POC1B: variants seen among roughly 807,000 people sequenced by gnomAD.
POC1B encodes POC1 centriolar protein homolog B.
POC1B carries 44 observed loss-of-function variants against 60.6 expected under a neutral mutation model. The ratio of observed to expected loss-of-function variants is 0.73; its 90% CI spans 0.57 to 0.93. The LOEUF (loss-of-function observed/expected upper bound fraction) is 0.93, where lower values mean the gene tolerates loss of function less well. POC1B is among the 40% of genes least tolerant of loss of function. POC1B has a pLI of 0.00. For missense variants in POC1B, 555 were observed against 572.3 expected, an observed-to-expected ratio of 0.97 and a Z score of 0.31; for synonymous variants, 180 against 198.9, an observed-to-expected ratio of 0.90 and a Z score of 0.80.
intron 5 of POC1B, 37 bp from the exon 6 acceptor site, chr12:89,471,766 T>TTA: frequency 4.1e-5 from 51 of 1,243,664 alleles, no homozygotes; most frequent in Middle Eastern, 2.0e-4. Context: ...ATATTTCAAT[T>TTA]TCTTTTTTTT....
At chr12:89,503,234 C>T (rs1304161678) in intron 2 of POC1B, among the ~76,000 whole-genome samples, 6 of 152,018 alleles carry the variant, frequency 3.9e-5, no homozygotes, top group African/African-American at 1.4e-4. Context: ...CCTGCCTCAG[C>T]CTGCCGAGTG....
intron 9 of POC1B, among the ~76,000 whole-genome samples, chr12:89,465,916 A>G (rs945478436): frequency 2.0e-5 from 3 of 152,234 alleles, no homozygotes; most frequent in Non-Finnish European, 4.4e-5. Flanking sequence ...AGATAACAGC[A>G]AAGACCAAGA....
At chr12:89,457,155 G>A (rs1033328741) in intron 10 of POC1B, among the ~76,000 whole-genome samples, 1 of 152,072 alleles carries the variant, frequency 6.6e-6, no homozygotes, top group South Asian at 2.1e-4. Flanking sequence ...CACATGCAAA[G>A]TACACACAAA....
At position 89,443,401 on chromosome 12, in the gene POC1B, G is replaced by A. The variant is rs1393320993; in HGVS notation, c.1113+16237C>T. Among the ~76,000 whole-genome samples, 3 of 152,144 alleles carry A rather than the reference G, an allele frequency of 2.0e-5. No homozygotes were observed. In the East Asian group the frequency reaches 5.8e-4, roughly 29 times the overall value. ...AAAAGAACAGAAATGATAACAAACTGTCTCTCAGACCACAATGCAATCAAA... is the reference window on the plus strand; with the variant it reads ...AAAAGAACAGAAATGATAACAAACTATCTCTCAGACCACAATGCAATCAAA... On this transcript the variant is annotated intron_variant, in intron 10 of 11. Coordinates refer to ENST00000313546, the MANE Select transcript of POC1B (RefSeq NM_172240.3).
intron 4 of POC1B, among the ~76,000 whole-genome samples, chr12:89,486,821 C>T (rs1286562653): frequency 1.3e-5 from 2 of 152,010 alleles, no homozygotes; most frequent in Non-Finnish European, 2.9e-5. Context: ...GTATCACTTC[C>T]TATGGAAAGC....
intron 10 of POC1B, among the ~76,000 whole-genome samples, chr12:89,455,884 A>C (rs1379200363): frequency 1.3e-5 from 2 of 152,310 alleles, no homozygotes; most frequent in East Asian, 3.9e-4. Context: ...CATTTTGTTC[A>C]TTTATAAGAC....
At chr12:89,467,442 T>G (rs1207171375) in intron 8 of POC1B, among the ~76,000 whole-genome samples, 175 bp downstream of exon 8, 1 of 152,180 alleles carries the variant, frequency 6.6e-6, no homozygotes, top group Non-Finnish European at 1.5e-5. Flanking sequence ...TTCCCAAAAT[T>G]TAGAACTGGC....
At chr12:89,503,387 G>T (rs1212893060) in intron 2 of POC1B, among the ~76,000 whole-genome samples, 5 of 152,262 alleles carry the variant, frequency 3.3e-5, no homozygotes, top group Non-Finnish European at 7.3e-5. Context: ...GAGGTGCCGG[G>T]ATTGCAGACG....
At chr12:89,520,099 C>A (rs1760259376) in intron 2 of POC1B, 1 of 152,086 alleles carries the variant, frequency 6.6e-6, no homozygotes, top group African/African-American at 2.4e-5. Flanking sequence ...GAAAGTCCCA[C>A]TTTTCTGTTA....
In POC1B at chr12:89,455,283, C is replaced by T. The variant is rs537499812; in HGVS notation, c.1113+4355G>A. On this transcript the variant is annotated intron_variant, in intron 10 of 11. Coordinates refer to ENST00000313546, the MANE Select transcript of POC1B (RefSeq NM_172240.3). The stretch of plus-strand genomic sequence containing the variant: ...CCAGGAACTGGAGGCTGCAGTGAGC[C>T]GAGACAGTGCCACTGCACTTCAGCC... Among the ~76,000 whole-genome samples the T allele has an allele frequency of 1.6e-4, 24 of 152,136 alleles. 1 individual carries two copies. The South Asian group carries it at 2.3e-3, about 15-fold the overall frequency.
At chr12:89,453,906 T>TAC (rs1294053649) in intron 10 of POC1B, among the ~76,000 whole-genome samples, 1 of 152,248 alleles carries the variant, frequency 6.6e-6, no homozygotes, top group African/African-American at 2.4e-5. Context: ...TCAGATAGTA[T>TAC]ACACCATATG....
At position 89,492,105 on chromosome 12, in the gene POC1B, A is replaced by G; in HGVS notation, c.283T>C (p.Phe95Leu). The G allele has an allele frequency of 6.4e-7, 1 of 1,551,204 alleles. No homozygotes were observed. ...GCTGTATGAGCTTTAAATTCTGAGA[A>G]TTTTCCTCTCCTGGAAATAAACAGT... ...RLWIPDKRGK[F>L]SEFKAHTAPV... Residue 95 changes from phenylalanine (F) to leucine (L), a missense_variant, in exon 4 of 12, where the codon TTC becomes CTC. Phe to Leu is a conservative substitution (Grantham distance 22, BLOSUM62 0). Coordinates refer to ENST00000313546, the MANE Select transcript of POC1B (RefSeq NM_172240.3).
At chr12:89,485,838 T>G (rs1868607434) in intron 4 of POC1B, among the ~76,000 whole-genome samples, 1 of 152,202 alleles carries the variant, frequency 6.6e-6, no homozygotes, top group African/African-American at 2.4e-5. Context: ...ACTGATTGAT[T>G]CAACCATATT....
chr12:89,517,842 T>C (rs1276317289), intron 2 of POC1B, among the ~76,000 whole-genome samples: 1 of 152,202 alleles, frequency 6.6e-6, no homozygotes, highest in African/African-American at 2.4e-5. Context: ...AAATGGCATC[T>C]GGCACACAGT....
chr12:89,488,495 A>G (rs1368791289), intron 4 of POC1B, among the ~76,000 whole-genome samples: 1 of 152,052 alleles, frequency 6.6e-6, no homozygotes, highest in African/African-American at 2.4e-5. Context: ...TATTGTTATT[A>G]TTATTATTCT....
At chr12:89,434,542 C>A (rs1309530001) in intron 10 of POC1B, among the ~76,000 whole-genome samples, 1 of 152,142 alleles carries the variant, frequency 6.6e-6, no homozygotes, top group Non-Finnish European at 1.5e-5. Context: ...ACCATTAATT[C>A]CTCAAAGGAG....
At chr12:89,408,460 C>T in the POC1B span, among the ~76,000 whole-genome samples, 1 of 151,610 alleles carries the variant, frequency 6.6e-6, no homozygotes, top group Non-Finnish European at 1.5e-5. Flanking sequence ...ACAACTGCTC[C>T]AGCATGTGTT....
In POC1B at chr12:89,459,624, A is replaced by AAC. The variant is rs1555181922; in HGVS notation, c.1113+13_1113+14insGT. The AAC allele has an allele frequency of 2.9e-6, 4 of 1,398,532 alleles. No homozygotes were observed. In the East Asian group the frequency reaches 7.3e-5, roughly 25 times the overall value. 86.6% of individuals were successfully genotyped at this position (1,398,532 alleles called of 1,614,324 possible). ...CACTTAAGTGTCAAAAAAAAAAAAA[A>AAC]AAACCCGACTTACTGTGGTAGAATC... On this transcript the variant is annotated intron_variant, in intron 10 of 11. Coordinates refer to ENST00000313546, the MANE Select transcript of POC1B (RefSeq NM_172240.3).
At chr12:89,498,648 C>T (rs933116140) in intron 2 of POC1B, among the ~76,000 whole-genome samples, 2 of 152,010 alleles carry the variant, frequency 1.3e-5, no homozygotes, top group African/African-American at 4.8e-5. Flanking sequence ...CTTAGCACCC[C>T]CTTTTTAAAA....
Sources: gnomAD v4.1 joint callset for allele counts (sites outside exome capture counted in the v4.1 genomes callset) on GRCh38, gnomAD v4.1.1 for gene constraint, MANE v1.5 for transcripts, NCBI Gene and HGNC (gene_info 2026-07-23, HGNC 2026-07-21) for gene names.